The following ANKRD34B variants were observed in gnomAD, a reference collection of about 807,000 sequenced individuals.
ANKRD34B encodes the protein ankyrin repeat domain 34B.
In ANKRD34B, 2 loss-of-function variants were observed where a neutral mutation model predicts 4.4. The observed-to-expected ratio is 0.46, with a 90% CI of 0.19 to 1.44. The LOEUF (loss-of-function observed/expected upper bound fraction) is 1.44, where lower values mean the gene tolerates loss of function less well. Ranked by LOEUF, ANKRD34B falls within the 40% of genes most tolerant of loss-of-function variation. The pLI, the probability that ANKRD34B is intolerant of heterozygous loss-of-function variation, is 0.26. For missense variants in ANKRD34B, 558 were observed against 604.7 expected, an observed-to-expected ratio of 0.92 and a Z score of 0.81; for synonymous variants, 226 against 227.1, an observed-to-expected ratio of 0.99 and a Z score of 0.05.
Position 80,559,496 on chromosome 5 carries a change from T to C in ANKRD34B, c.524A>G (p.Asp175Gly), listed in dbSNP as rs1445654038. The C allele has an allele frequency of 1.2e-6, 2 of 1,614,076 alleles. No individual in the cohort carries two copies. The highest frequency in any genetic ancestry group is 1.7e-6 in the Non-Finnish European group (2 of 1,180,050). The part of the protein sequence containing the change: ...QYLNMPPVDI[D>G]GCHSPATCTT... The stretch of plus-strand genomic sequence containing the variant: ...GCAGGTAGCTGGGGAATGACACCCA[T>C]CTATATCCACAGGAGGCATATTTAA... The change falls in exon 5 of 5, where the codon GAT becomes GGT. Residue 175 changes from aspartate (D) to glycine (G), a missense_variant. Coordinates refer to ENST00000338682, the MANE Select transcript of ANKRD34B (RefSeq NM_001004441.3).
chr5:80,557,053 A>G lies in ANKRD34B; in HGVS notation c.*1422T>C, dbSNP rs1746255486. 1 of 152,602 alleles carries G rather than the reference A, an allele frequency of 6.6e-6. No individual in the cohort carries two copies. The highest frequency in any genetic ancestry group is 2.4e-5 in the African/African-American group (1 of 41,436). 9.5% of individuals were successfully genotyped at this position (152,602 alleles called of 1,614,324 possible). On this transcript the variant is annotated 3_prime_UTR_variant, in exon 5 of 5. Coordinates refer to ENST00000338682, the MANE Select transcript of ANKRD34B (RefSeq NM_001004441.3). ...ATGTACATTACAACTTGCTTATATCAAATTACCAAGAAAAGCATCATGCCA... is the reference window on the plus strand; with the variant it reads ...ATGTACATTACAACTTGCTTATATCGAATTACCAAGAAAAGCATCATGCCA...
At chr5:80,560,141 C>T in intron 4 of ANKRD34B, 99 bp from the exon 5 acceptor site, 1 of 673,262 alleles carries the variant, frequency 1.5e-6, no homozygotes, top group Non-Finnish European at 2.5e-6. Context: ...ATGTAGGGGA[C>T]ATAAATGGGA....
At chr5:80,566,194 G>A (rs1746560927) in intron 3 of ANKRD34B, among the ~76,000 whole-genome samples, 1 of 152,176 alleles carries the variant, frequency 6.6e-6, no homozygotes, top group African/African-American at 2.4e-5. Flanking sequence ...AATGGCCTTA[G>A]CATAGCAGAG....
At chr5:80,563,287 C>T (rs28525400) in intron 4 of ANKRD34B, among the ~76,000 whole-genome samples, 9,201 of 152,094 alleles carry the variant, frequency 0.06, 310 homozygotes, top group South Asian at 0.085. Context: ...TGTTCTATTT[C>T]CCAGTCTGGG....
At chr5:80,569,374 T>G (rs1214775857) in intron 1 of ANKRD34B, among the ~76,000 whole-genome samples, 2 of 152,144 alleles carry the variant, frequency 1.3e-5, no homozygotes, top group Non-Finnish European at 2.9e-5. Flanking sequence ...CAGGCGCACC[T>G]CTGCACCCGG....
chr5:80,560,149 G>A, intron 4 of ANKRD34B, 107 bp from the exon 5 acceptor site: 1 of 627,582 alleles, frequency 1.6e-6, no homozygotes, highest in South Asian at 2.6e-5. Context: ...GACATAAATG[G>A]GATCATGCTA....
chr5:80,569,136 TG>T (rs1746676617), intron 1 of ANKRD34B, 29 bp from the exon 2 acceptor site: 1 of 152,350 alleles, frequency 6.6e-6, no homozygotes, highest in Non-Finnish European at 1.5e-5. Context: ...GGAAGGTGAC[TG>T]GGGCGACAGC....
Position 80,558,834 on chromosome 5 carries a change from T to A in ANKRD34B, c.1186A>T (p.Ile396Phe). 1 of 1,613,958 alleles carries A rather than the reference T, an allele frequency of 6.2e-7. No homozygotes were observed. The highest frequency in any genetic ancestry group is 1.7e-4 in the Middle Eastern group (1 of 6,060). The part of the protein sequence containing the change: ...DGKALIGKKK[I>F]LSPSPSQLSE... Reference sequence around the variant, plus strand: ...AATTGGGAAGGAGATGGTGAGAGGATCTTTTTCTTTCCTATAAGTGCTTTG... The same window carrying A: ...AATTGGGAAGGAGATGGTGAGAGGAACTTTTTCTTTCCTATAAGTGCTTTG... Residue 396 changes from isoleucine to phenylalanine, a missense_variant, in exon 5 of 5, where the codon ATC (isoleucine) becomes TTC (phenylalanine). Physicochemically the swap from Ile to Phe is conservative, Grantham distance 21. Transcript: ENST00000338682.
At chr5:80,560,951 C>T (rs1220623060) in intron 4 of ANKRD34B, among the ~76,000 whole-genome samples, 1 of 152,090 alleles carries the variant, frequency 6.6e-6, no homozygotes, top group African/African-American at 2.4e-5. Flanking sequence ...GAATGGTGAG[C>T]ATGTGATTAC....
At chr5:80,560,662 A>T in intron 4 of ANKRD34B, among the ~76,000 whole-genome samples, 1 of 152,114 alleles carries the variant, frequency 6.6e-6, no homozygotes, top group South Asian at 2.1e-4. Flanking sequence ...ACCTGTCTCT[A>T]AAAAAAATTA....
rs566331425 is a variant in ANKRD34B, at chr5:80,567,961, C to T, written c.-191+999G>A. 1.1e-3 allele frequency among the ~76,000 whole-genome samples: 167 copies of T among 152,326 alleles called. 1 individual carries two copies. Among genetic ancestry groups the T allele is most frequent in the Non-Finnish European group, 2.1e-3 (145 of 68,036 alleles). On this transcript the variant is annotated intron_variant, in intron 2 of 4. Coordinates refer to ENST00000338682, the MANE Select transcript of ANKRD34B (RefSeq NM_001004441.3). ...CTCACCCCTGAAATGGGGATAATAT[C>T]TACTTTACAGTAGATGATTGTGAGG...
intron 3 of ANKRD34B, among the ~76,000 whole-genome samples, chr5:80,565,426 C>T (rs960488758): frequency 1.3e-5 from 2 of 152,214 alleles, no homozygotes; most frequent in Non-Finnish European, 2.9e-5. Context: ...GTTGTACCTT[C>T]GATACAGATA....
chr5:80,558,973 T>C lies in ANKRD34B; in HGVS notation c.1047A>G (p.Thr349=), dbSNP rs1485644848. The change falls in exon 5 of 5, where the codon ACA becomes ACG. Residue 349 remains threonine (T), a synonymous_variant. Coordinates refer to ENST00000338682, the MANE Select transcript of ANKRD34B (RefSeq NM_001004441.3). The part of the protein sequence containing the change: ...PVDQDPDSNQ[T]IFASTLRSIV... The stretch of plus-strand genomic sequence containing the variant: ...TACTTCTTAAGGTGGAAGCAAATAT[T>C]GTCTGGTTAGAATCTGGGTCCTGGT... The C allele has an allele frequency of 6.2e-7, 1 of 1,614,212 alleles. No individual in the cohort carries two copies. Among genetic ancestry groups the C allele is most frequent in the Admixed American group, 1.7e-5 (1 of 60,032 alleles).
At position 80,558,521 on chromosome 5, in the gene ANKRD34B, C is replaced by A. The variant is rs757963787; in HGVS notation, c.1499G>T (p.Arg500Ile). 4 of 1,613,882 alleles carry A rather than the reference C, an allele frequency of 2.5e-6. No homozygotes were observed. The South Asian group carries it at 4.4e-5, about 18-fold the overall frequency. Residue 500 changes from arginine (R) to isoleucine (I), a missense_variant, in exon 5 of 5, where the codon AGA becomes ATA. Physicochemically the swap from Arg to Ile is moderately conservative, Grantham distance 97. Transcript: ENST00000338682. ...AATTTGTTCAGTTTGCAATGATTGT[C>A]TCCTTAACAACATTTTCTTACTTTT... ...EFKSKKMLLRRQSLQTEQIKQ... is the reference protein window; with the variant it reads ...EFKSKKMLLRIQSLQTEQIKQ...
intron 2 of ANKRD34B, among the ~76,000 whole-genome samples, chr5:80,568,448 A>G (rs1318323870): frequency 1.3e-5 from 2 of 152,188 alleles, no homozygotes; most frequent in Admixed American, 6.5e-5. Context: ...AGAGAAGAGG[A>G]CAGCCTTGAA....
chr5:80,567,428 C>G lies in ANKRD34B; in HGVS notation c.-190-654G>C, dbSNP rs143027049. On this transcript the variant is annotated intron_variant, in intron 2 of 4. Transcript: ENST00000338682. ...CTGAGGTCAAGAGTTTGAGACCAGC[C>G]TGGACAGCATGGTGAAACTCCATCT... Among the ~76,000 whole-genome samples the G allele has an allele frequency of 6.1e-4, 93 of 151,558 alleles. 2 individuals carry two copies. Among genetic ancestry groups the G allele is most frequent in the African/African-American group, 2.1e-3 (87 of 41,390 alleles).
intron 1 of ANKRD34B, among the ~76,000 whole-genome samples, chr5:80,569,935 T>A (rs1474960071): frequency 3.3e-5 from 5 of 152,088 alleles, no homozygotes; most frequent in African/African-American, 4.8e-5. Flanking sequence ...CCGGCGGCCC[T>A]CGGCTGGCCC....
rs1746316957 is a variant in ANKRD34B, at chr5:80,558,590, T to C, written c.1430A>G (p.Gln477Arg). 1.9e-6 allele frequency: 3 copies of C among 1,614,110 alleles called. No individual in the cohort carries two copies. In the East Asian group the frequency reaches 6.7e-5, roughly 36 times the overall value. Reference protein sequence around the residue: ...NKICSLLSCGQKVLMPTVPIF... With the variant: ...NKICSLLSCGRKVLMPTVPIF... ...CGGAACTGTTGGCATAAGCACTTTTTGACCACAAGAAAGAAGGCTGCAAAT... is the reference window on the plus strand; with the variant it reads ...CGGAACTGTTGGCATAAGCACTTTTCGACCACAAGAAAGAAGGCTGCAAAT... The change falls in exon 5 of 5, where the codon CAA (glutamine) becomes CGA (arginine). Residue 477 changes from glutamine (Q) to arginine (R), a missense_variant. Physicochemically the swap from Gln to Arg is conservative, Grantham distance 43. Transcript: ENST00000338682.
At chr5:80,562,222 C>T (rs944439424) in intron 4 of ANKRD34B, among the ~76,000 whole-genome samples, 2 of 152,034 alleles carry the variant, frequency 1.3e-5, no homozygotes, top group Non-Finnish European at 2.9e-5. Flanking sequence ...CCAGAAAACT[C>T]TTTTATATGC....
Sources: allele counts gnomAD v4.1 joint callset (sites outside exome capture counted in the v4.1 genomes callset), GRCh38; gene constraint gnomAD v4.1.1; transcripts MANE v1.5; gene names NCBI Gene and HGNC (gene_info 2026-07-23, HGNC 2026-07-21).